The following BIRC6 variants were observed in gnomAD, a reference collection of about 807,000 sequenced individuals.
The protein encoded by BIRC6 is dual E2 ubiquitin-conjugating enzyme/E3 ubiquitin-protein ligase BIRC6.
A neutral mutation model predicts 503.3 loss-of-function variants in BIRC6; 98 were observed. That is an observed-to-expected ratio of 0.19 (90% confidence interval 0.17 to 0.23). BIRC6 has a LOEUF of 0.23. BIRC6 is among the 10% of genes least tolerant of loss of function. BIRC6 has a pLI of 1.00. For synonymous variants in BIRC6, 2,240 were observed against 2,078.7 expected (o/e 1.08, Z -2.11); for missense variants, 5,360 against 5,806.0 (o/e 0.92, Z 2.50).
intron 71 of BIRC6, among the ~76,000 whole-genome samples, chr2:32,606,312 G>T (rs929645822): frequency 6.6e-6 from 1 of 152,150 alleles, no homozygotes; most frequent in Admixed American, 6.5e-5. Context: ...TTCTGGCCGG[G>T]TATGATGGCT....
Position 32,416,108 on chromosome 2 carries a change from A to G in BIRC6, c.2817A>G (p.Thr939=), listed in dbSNP as rs765760177. 1.1e-5 allele frequency: 17 copies of G among 1,613,318 alleles called. No homozygotes were observed. The highest frequency in any genetic ancestry group is 3.3e-5 in the Admixed American group (2 of 59,880). ...AGGAGGGCACTGAGGAACAGGACAC[A>G]TTTGTTTCTGTGATTTACTGTTCTG... ...PKKEGTEEQD[T]FVSVIYCSGT... The change falls in exon 10 of 74, where the codon ACA becomes ACG. Residue 939 remains threonine (T), a synonymous_variant. Transcript: ENST00000421745.
Position 32,357,099 on chromosome 2 carries a change from G to A in BIRC6, c.-63G>A. On this transcript the variant is annotated 5_prime_UTR_variant, in exon 1 of 74. Transcript: ENST00000421745. This position sits in a 1 kb window ranked among gnomAD's most constrained non-coding sequence, Gnocchi z 4.9. ...CCTCCGGCCGGGCGATCGACGTTCCGCGTGCGTGCGGGCGCCTGACTTCAC... is the reference window on the plus strand; with the variant it reads ...CCTCCGGCCGGGCGATCGACGTTCCACGTGCGTGCGGGCGCCTGACTTCAC... The A allele has an allele frequency of 7.4e-7, 1 of 1,355,792 alleles. No individual in the cohort carries two copies. Among genetic ancestry groups the A allele is most frequent in the South Asian group, 1.5e-5 (1 of 65,068 alleles). 84.0% of individuals were successfully genotyped at this position (1,355,792 alleles called of 1,614,324 possible). A position where few individuals can be genotyped will look rare whatever the true frequency, so the allele number is the denominator to read the frequency against.
chr2:32,554,778 G>A (rs1180658436), intron 65 of BIRC6, among the ~76,000 whole-genome samples: 3 of 151,536 alleles, frequency 2.0e-5, no homozygotes, highest in Admixed American at 2.0e-4. Flanking sequence ...CTTTGGATAT[G>A]TTTCTTTAAG....
At chr2:32,598,029 A>G in intron 69 of BIRC6, 61 bp downstream of exon 69, 1 of 1,368,910 alleles carries the variant, frequency 7.3e-7, no homozygotes, top group East Asian at 2.5e-5. Context: ...AATTACTCAA[A>G]TTTTTATACA....
intron 61 of BIRC6, 96 bp from the exon 62 acceptor site, chr2:32,543,145 C>A (rs1007008973): frequency 2.3e-6 from 3 of 1,293,848 alleles, no homozygotes; most frequent in Non-Finnish European, 2.1e-6. Flanking sequence ...TCCTTATAAT[C>A]CTATATTTTA....
chr2:32,369,215 T>G (rs1394004845), intron 1 of BIRC6, among the ~76,000 whole-genome samples: 1 of 152,114 alleles, frequency 6.6e-6, no homozygotes, highest in African/African-American at 2.4e-5. Flanking sequence ...TGGGCTGACT[T>G]AAAATGTAGG....
At chr2:32,428,844 G>GT (rs2043806026) in intron 10 of BIRC6, among the ~76,000 whole-genome samples, 1 of 152,024 alleles carries the variant, frequency 6.6e-6, no homozygotes, top group Non-Finnish European at 1.5e-5. Flanking sequence ...TACCACAAGG[G>GT]TTTTTGGTAA....
intron 55 of BIRC6, among the ~76,000 whole-genome samples, chr2:32,517,950 G>A (rs984400227): frequency 6.6e-6 from 1 of 150,754 alleles, no homozygotes; most frequent in African/African-American, 2.4e-5. Flanking sequence ...TAAAGTTAAC[G>A]GGAGTTCGTT....
chr2:32,520,388 TA>T lies in BIRC6; in HGVS notation c.11623+1450del, dbSNP rs1057006771. On this transcript the variant is annotated intron_variant, in intron 57 of 73. Transcript: ENST00000421745. ...GTTGTTAGCATACTGTTATAAATATTAAAAAAAATTTATTTGAAAATGACTG... is the reference window on the plus strand; with the variant it reads ...GTTGTTAGCATACTGTTATAAATATTAAAAAAATTTATTTGAAAATGACTG... Among the ~76,000 whole-genome samples, 26 of 152,268 alleles carry T rather than the reference TA, an allele frequency of 1.7e-4. 1 individual carries two copies. The South Asian group carries it at 4.1e-3, about 24-fold the overall frequency.
chr2:32,483,693 A>G (rs541068953), intron 39 of BIRC6, among the ~76,000 whole-genome samples: 1 of 152,192 alleles, frequency 6.6e-6, no homozygotes. Flanking sequence ...ACTTTTGAAG[A>G]TGGCAGGCCA....
Position 32,475,159 on chromosome 2 carries a change from T to TAAAA in BIRC6, c.6721-1036_6721-1033dup, listed in dbSNP as rs11394641. ...CCTGGGTGACACAGCAAGACTATCT[T>TAAAA]AAAAAAAAAAAAAAAAAAAAAGTGT... is the stretch of plus-strand genomic sequence containing the variant. On this transcript the variant is annotated intron_variant, in intron 33 of 73. Transcript: ENST00000421745. Among the ~76,000 whole-genome samples, 38 of 114,212 alleles carry TAAAA rather than the reference T, an allele frequency of 3.3e-4. 1 individual carries two copies. The highest frequency in any genetic ancestry group is 1.2e-3 in the African/African-American group (33 of 28,214). The allele number at this position is 114,212 out of a possible 152,430, so 74.9% of individuals were successfully genotyped here.
intron 70 of BIRC6, among the ~76,000 whole-genome samples, chr2:32,602,202 G>C (rs1374856233): frequency 6.6e-6 from 1 of 152,150 alleles, no homozygotes. Flanking sequence ...GCCATCAACA[G>C]GTGAATGGAT....
chr2:32,615,253 C>G (rs2063157426), intron 73 of BIRC6, among the ~76,000 whole-genome samples: 1 of 152,174 alleles, frequency 6.6e-6, no homozygotes, highest in Non-Finnish European at 1.5e-5. Flanking sequence ...GGACAAATAT[C>G]CAAACTAGAT....
intron 26 of BIRC6, 40 bp downstream of exon 26, chr2:32,465,204 T>TTTTTTTTTTTCTG: frequency 9.9e-7 from 1 of 1,010,800 alleles, no homozygotes; most frequent in Non-Finnish European, 1.4e-6. Flanking sequence ...TTTTTTTTTT[T>TTTTTTTTTTTCTG]GCTTAGTCTG....
chr2:32,468,340 ATGTT>A, intron 28 of BIRC6, 93 bp from the exon 29 acceptor site: 9 of 1,101,846 alleles, frequency 8.2e-6, no homozygotes, highest in South Asian at 3.3e-5. Flanking sequence ...TAATGGTTGT[ATGTT>A]AACAGGTTTA....
At chr2:32,518,647 T>A (rs538704392) in intron 56 of BIRC6, among the ~76,000 whole-genome samples, 170 bp from the exon 57 acceptor site, 22 of 152,260 alleles carry the variant, frequency 1.4e-4, no homozygotes, top group African/African-American at 5.1e-4. Flanking sequence ...AGGTACAGAG[T>A]GATAATGCAA....
At chr2:32,493,745 G>A in intron 45 of BIRC6, 78 bp downstream of exon 45, 1 of 1,219,908 alleles carries the variant, frequency 8.2e-7, no homozygotes, top group African/African-American at 1.5e-5. Flanking sequence ...TTTAACATTT[G>A]TTGGGAATTT....
intron 1 of BIRC6, among the ~76,000 whole-genome samples, chr2:32,362,712 A>G (rs939410359): frequency 7.9e-5 from 12 of 152,150 alleles, no homozygotes; most frequent in African/African-American, 2.4e-4. Context: ...TTGTTTGTTC[A>G]TGAAATTTAG....
intron 54 of BIRC6, 48 bp from the exon 55 acceptor site, chr2:32,514,942 T>C: frequency 7.1e-7 from 1 of 1,412,558 alleles, no homozygotes; most frequent in Non-Finnish European, 9.7e-7. Context: ...AAATAGTTTC[T>C]TCTAAAAATA....
Sources: allele counts gnomAD v4.1 joint callset (sites outside exome capture counted in the v4.1 genomes callset), GRCh38; gene constraint gnomAD v4.1.1; non-coding constraint Gnocchi (gnomAD v3.1); transcripts MANE v1.5; gene names NCBI Gene and HGNC (gene_info 2026-07-23, HGNC 2026-07-21).